DSCAML1: variants seen among roughly 807,000 people sequenced by gnomAD.
The protein encoded by DSCAML1 is cell adhesion molecule DSCAML1.
DSCAML1 carries 38 observed loss-of-function variants against 200.5 expected under a neutral mutation model. The observed-to-expected ratio is 0.19, with a 90% CI of 0.15 to 0.25. DSCAML1 has a LOEUF of 0.25. Ranked by LOEUF, DSCAML1 falls within the 10% of genes least tolerant of loss-of-function variation. DSCAML1 has a pLI of 1.00. For synonymous variants in DSCAML1, 1,215 were observed against 1,165.0 expected (o/e 1.04, Z -0.87); for missense variants, 2,223 against 2,858.8 (o/e 0.78, Z 5.07).
chr11:117,737,165 C>T (rs1291501301), intron 3 of DSCAML1, among the ~76,000 whole-genome samples: 4 of 152,198 alleles, frequency 2.6e-5, no homozygotes, highest in Non-Finnish European at 5.9e-5. Flanking sequence ...GAACTCCATT[C>T]AAGGTGCTTT....
intron 3 of DSCAML1, among the ~76,000 whole-genome samples, chr11:117,554,740 G>T (rs1591259664): frequency 6.6e-6 from 1 of 152,288 alleles, no homozygotes; most frequent in South Asian, 2.1e-4. Context: ...AGGCTCAGAA[G>T]TGCAGCTGTG....
chr11:117,741,908 A>G lies in DSCAML1; in HGVS notation c.511+34883T>C, dbSNP rs546032414. ...TATCATGGTGGGAATGCAGGACAAG[A>G]GGGGAAAGGAAAATTGGACCCTGGT... On this transcript the variant is annotated intron_variant, in intron 3 of 32. Coordinates refer to ENST00000651296, the MANE Select transcript of DSCAML1 (RefSeq NM_020693.4). 1.6e-4 allele frequency among the ~76,000 whole-genome samples: 25 copies of G among 152,310 alleles called. 1 individual carries two copies. Among genetic ancestry groups the G allele is most frequent in the Admixed American group, 1.2e-3 (19 of 15,302 alleles).
chr11:117,721,489 C>T (rs1197212104), intron 3 of DSCAML1, among the ~76,000 whole-genome samples: 1 of 152,064 alleles, frequency 6.6e-6, no homozygotes, highest in Non-Finnish European at 1.5e-5. Context: ...GGTTCCTGAC[C>T]TCACCCTCCT....
rs527893289 is a variant in DSCAML1, at chr11:117,443,841, C to T, written c.3862+45G>A. ...GGAGAACCAGGATTCTGTAAGGGAG[C>T]TTTTGGAAGTGTTTGCCCCTCTGCC... is the stretch of plus-strand genomic sequence containing the variant. On this transcript the variant is annotated intron_variant, in intron 21 of 32. Transcript: ENST00000651296. 5.2e-6 allele frequency: 8 copies of T among 1,536,800 alleles called. No homozygotes were observed. In the African/African-American group the frequency reaches 1.1e-4, roughly 21 times the overall value.
chr11:117,697,279 C>T (rs997999803), intron 3 of DSCAML1, among the ~76,000 whole-genome samples: 7 of 152,188 alleles, frequency 4.6e-5, no homozygotes, highest in Non-Finnish European at 1.0e-4. Flanking sequence ...TTTCTGGTTT[C>T]TAACCTCTGT....
chr11:117,473,891 A>C (rs576919962), intron 14 of DSCAML1, among the ~76,000 whole-genome samples: 1 of 152,298 alleles, frequency 6.6e-6, no homozygotes, highest in South Asian at 2.1e-4. Context: ...GGTTTGGGAC[A>C]GAACAGGCTA....
intron 3 of DSCAML1, among the ~76,000 whole-genome samples, chr11:117,725,813 C>CAAAA (rs1380072374): frequency 2.8e-5 from 4 of 144,910 alleles, no homozygotes; most frequent in Admixed American, 6.9e-5. Context: ...CAAAACAAAA[C>CAAAA]AAAACAAAAC....
At chr11:117,431,102 C>T (rs4356265) in intron 31 of DSCAML1, 69 bp from the exon 32 acceptor site, 209,165 of 1,450,970 alleles carry the variant, frequency 0.14, 18,538 homozygotes, top group East Asian at 0.47. Flanking sequence ...TGAGCACTTC[C>T]CCTGCCCGTA....
chr11:117,541,031 G>A (rs1428917712), intron 3 of DSCAML1, among the ~76,000 whole-genome samples: 4 of 152,190 alleles, frequency 2.6e-5, no homozygotes, highest in Admixed American at 6.5e-5. Context: ...AGAAGTTCAC[G>A]GCTTAAGGAA....
chr11:117,645,492 A>G (rs2137605119), intron 3 of DSCAML1, among the ~76,000 whole-genome samples: 1 of 152,252 alleles, frequency 6.6e-6, no homozygotes, highest in South Asian at 2.1e-4. Context: ...AAAGAATTAT[A>G]TACCCTTTGC....
chr11:117,438,226 T>C (rs2047963903), intron 24 of DSCAML1, 143 bp from the exon 25 acceptor site: 2 of 732,822 alleles, frequency 2.7e-6, no homozygotes. Flanking sequence ...ATATGCTCCT[T>C]AGAAGCAAAA....
At chr11:117,467,421 A>G (rs534746026) in intron 16 of DSCAML1, among the ~76,000 whole-genome samples, 78 of 152,382 alleles carry the variant, frequency 5.1e-4, no homozygotes, top group African/African-American at 1.9e-3. Flanking sequence ...GGGGTTTTAA[A>G]GACAATGAAG....
chr11:117,515,732 T>C (rs891803941), intron 8 of DSCAML1, among the ~76,000 whole-genome samples: 1 of 148,986 alleles, frequency 6.7e-6, no homozygotes, highest in Non-Finnish European at 1.5e-5. Context: ...GCAATTATCC[T>C]GCCTCAGCCT....
chr11:117,795,801 G>T (rs2055561661), intron 1 of DSCAML1, among the ~76,000 whole-genome samples: 1 of 152,192 alleles, frequency 6.6e-6, no homozygotes, highest in South Asian at 2.1e-4. Context: ...GCACCGGCAG[G>T]GCAGGGTTGG....
At position 117,617,317 on chromosome 11, in the gene DSCAML1, C is replaced by T. The variant is rs573296398; in HGVS notation, c.512-84795G>A. Among the ~76,000 whole-genome samples, 16 of 152,282 alleles carry T rather than the reference C, an allele frequency of 1.1e-4. No homozygotes were observed. The East Asian group carries it at 1.2e-3, about 11-fold the overall frequency. On this transcript the variant is annotated intron_variant, in intron 3 of 32. Transcript: ENST00000651296. ...GCCGGGCTGGGAAGCCCTCCAGGCT[C>T]GGCCACTGGCCCAGGAGTTTCTGGC...
rs962306402 is a variant in DSCAML1, at chr11:117,703,111, T to C, written c.511+73680A>G. On this transcript the variant is annotated intron_variant, in intron 3 of 32. Transcript: ENST00000651296. The stretch of plus-strand genomic sequence containing the variant: ...CTGGTGCAACAGCCAGTGGTGAACG[T>C]GTGAGCAGTAGGGGAGCAGAAGCCA... 3.3e-5 allele frequency among the ~76,000 whole-genome samples: 5 copies of C among 152,218 alleles called. No homozygotes were observed. In the South Asian group the frequency reaches 6.2e-4, roughly 19 times the overall value.
At chr11:117,791,971 T>C (rs79675931) in intron 1 of DSCAML1, among the ~76,000 whole-genome samples, 4 of 152,244 alleles carry the variant, frequency 2.6e-5, no homozygotes, top group Admixed American at 2.6e-4. Context: ...CAAAGTCACA[T>C]GGCCAGTAAG....
In DSCAML1 at chr11:117,428,790, G is replaced by C. The variant is rs1333509255; in HGVS notation, c.5700C>G (p.Asn1900Lys). The change falls in exon 33 of 33, where the codon AAC (asparagine) becomes AAG (lysine). Residue 1900 changes from asparagine to lysine, a missense_variant. Around this residue, in one of 7 missense-constraint regions of DSCAML1, gnomAD observed 280 missense variants for 213.4 expected, o/e 1.31. Transcript: ENST00000651296. ...CCTCTGACTTGGCATACAGGGGCAG[G>C]TTGCAGTAGTCACCTGGAATCACAG... ...PHRANKSDYCNLPLYAKSEAF... is the reference protein window; with the variant it reads ...PHRANKSDYCKLPLYAKSEAF... The C allele has an allele frequency of 6.2e-7, 1 of 1,602,936 alleles. No individual in the cohort carries two copies. Among genetic ancestry groups the C allele is most frequent in the Non-Finnish European group, 8.5e-7 (1 of 1,176,482 alleles).
chr11:117,566,356 C>CTCTCT (rs199711944), intron 3 of DSCAML1, among the ~76,000 whole-genome samples: 1,709 of 120,370 alleles, frequency 0.014, 12 homozygotes, highest in South Asian at 0.031. Context: ...CTCTCTCTCT[C>CTCTCT]TTTTTTTTTT....
Sources: allele counts gnomAD v4.1 joint callset (sites outside exome capture counted in the v4.1 genomes callset), GRCh38; gene constraint gnomAD v4.1.1; regional missense constraint gnomAD v4.1.1; transcripts MANE v1.5; gene names NCBI Gene and HGNC (gene_info 2026-07-23, HGNC 2026-07-21).